The following CNTNAP5 variants were observed in gnomAD, a reference collection of about 807,000 sequenced individuals.
The protein encoded by CNTNAP5 is contactin-associated protein-like 5.
A neutral mutation model predicts 150.2 loss-of-function variants in CNTNAP5; 72 were observed. That is an observed-to-expected ratio of 0.48 (90% confidence interval 0.40 to 0.58). The LOEUF (loss-of-function observed/expected upper bound fraction) is 0.58. Among genes scored for constraint, CNTNAP5 ranks in the 20% least tolerant of loss-of-function variants. The probability of loss-of-function intolerance (pLI) is 0.00; values close to 1 mark genes in which losing one functional copy is unlikely to be tolerated. For missense variants in CNTNAP5, 1,636 were observed against 1,626.2 expected, an observed-to-expected ratio of 1.01 and a Z score of -0.10; for synonymous variants, 672 against 619.8, an observed-to-expected ratio of 1.08 and a Z score of -1.25.
chr2:124,781,453 T>A (rs1681449338), intron 17 of CNTNAP5, among the ~76,000 whole-genome samples: 1 of 152,180 alleles, frequency 6.6e-6, no homozygotes, highest in Non-Finnish European at 1.5e-5. Flanking sequence ...AATTTGCAGT[T>A]AGTACAATGT....
intron 13 of CNTNAP5, among the ~76,000 whole-genome samples, chr2:124,657,088 A>AGGTCCCT (rs1315202673): frequency 4.6e-5 from 7 of 152,174 alleles, no homozygotes; most frequent in African/African-American, 1.7e-4. Context: ...GGAGAACATT[A>AGGTCCCT]GGTCCCTTAG....
chr2:124,460,161 A>C, intron 6 of CNTNAP5, among the ~76,000 whole-genome samples: 1 of 152,252 alleles, frequency 6.6e-6, no homozygotes, highest in East Asian at 1.9e-4. Flanking sequence ...AAAAAACAGA[A>C]GAGAACATAT....
At chr2:124,429,893 C>T (rs979543312) in intron 4 of CNTNAP5, among the ~76,000 whole-genome samples, 2 of 152,148 alleles carry the variant, frequency 1.3e-5, no homozygotes, top group African/African-American at 4.8e-5. Flanking sequence ...ATAGGCACCT[C>T]AATGGATCAC....
chr2:124,911,928 C>A (rs1678664634), intron 23 of CNTNAP5, among the ~76,000 whole-genome samples: 2 of 152,102 alleles, frequency 1.3e-5, no homozygotes, highest in South Asian at 4.1e-4. Context: ...GGTGAAGCCG[C>A]AGTCCTGTGG....
At chr2:124,179,063 A>G (rs1292808213) in intron 1 of CNTNAP5, among the ~76,000 whole-genome samples, 1 of 151,024 alleles carries the variant, frequency 6.6e-6, no homozygotes, top group African/African-American at 2.4e-5. Flanking sequence ...TGTTTCACCC[A>G]CTCACTCCCA....
intron 11 of CNTNAP5, among the ~76,000 whole-genome samples, chr2:124,606,755 T>A (rs1677228216): frequency 1.3e-5 from 2 of 152,228 alleles, no homozygotes; most frequent in South Asian, 2.1e-4. Context: ...CTCTCCCTTT[T>A]AAAAATGATC....
intron 12 of CNTNAP5, among the ~76,000 whole-genome samples, chr2:124,632,047 A>C (rs575112464): frequency 1.3e-5 from 2 of 152,290 alleles, no homozygotes; most frequent in East Asian, 3.9e-4. Context: ...GGCATTATTA[A>C]AAAGTCAGAT....
chr2:124,400,961 T>C (rs2104758382), intron 3 of CNTNAP5, among the ~76,000 whole-genome samples: 1 of 152,096 alleles, frequency 6.6e-6, no homozygotes, highest in Non-Finnish European at 1.5e-5. Context: ...AACCTCCGCC[T>C]CCCGGGTTCA....
At chr2:124,316,898 A>C (rs575492316) in intron 3 of CNTNAP5, among the ~76,000 whole-genome samples, 41 of 152,186 alleles carry the variant, frequency 2.7e-4, no homozygotes, top group Middle Eastern at 3.4e-3. Context: ...GCCAAGGTCT[A>C]CACTAAAAAC....
chr2:124,723,580 C>CA (rs1680093226), intron 13 of CNTNAP5, among the ~76,000 whole-genome samples: 5 of 152,168 alleles, frequency 3.3e-5, no homozygotes, highest in Admixed American at 2.6e-4. Context: ...ACTGCCTTAA[C>CA]AAAATACCAT....
At chr2:124,639,242 C>T (rs770063465) in intron 12 of CNTNAP5, among the ~76,000 whole-genome samples, 3 of 152,260 alleles carry the variant, frequency 2.0e-5, no homozygotes, top group Admixed American at 6.5e-5. Flanking sequence ...GCGACGAGCA[C>T]GGGATGTTGG....
intron 1 of CNTNAP5, among the ~76,000 whole-genome samples, chr2:124,055,154 C>T (rs934225775): frequency 6.6e-6 from 1 of 152,190 alleles, no homozygotes; most frequent in Non-Finnish European, 1.5e-5. Flanking sequence ...TTTTTCCTGA[C>T]ATCATGAGAT....
rs531973398 is a variant in CNTNAP5, at chr2:124,800,949, A to G, written c.3217+2629A>G. On this transcript the variant is annotated intron_variant, in intron 19 of 23. Transcript: ENST00000682447. The stretch of plus-strand genomic sequence containing the variant: ...TACAGCTTGGTTTTATATATTTTAT[A>G]TATTTTAGTTAGCTCAGGCTAACTC... Among the ~76,000 whole-genome samples the G allele has an allele frequency of 2.6e-5, 4 of 152,204 alleles. No homozygotes were observed. The South Asian group carries it at 8.3e-4, about 32-fold the overall frequency.
At chr2:124,114,522 T>G (rs1225472463) in intron 1 of CNTNAP5, among the ~76,000 whole-genome samples, 1 of 152,098 alleles carries the variant, frequency 6.6e-6, no homozygotes, top group East Asian at 1.9e-4. Context: ...TATTTATGAA[T>G]TTTATCACAT....
intron 3 of CNTNAP5, among the ~76,000 whole-genome samples, chr2:124,317,022 G>A (rs1688983974): frequency 6.6e-6 from 1 of 151,978 alleles, no homozygotes; most frequent in Admixed American, 6.6e-5. Context: ...GTTTTAGAAA[G>A]GTTATGTTGA....
intron 6 of CNTNAP5, among the ~76,000 whole-genome samples, chr2:124,468,436 C>T (rs1016078199): frequency 6.6e-6 from 1 of 152,236 alleles, no homozygotes; most frequent in East Asian, 1.9e-4. Context: ...AAGAATCCAA[C>T]ACAGCAGAAA....
Position 124,257,679 on chromosome 2 carries a change from C to T in CNTNAP5, c.381+15286C>T, listed in dbSNP as rs142599630. ...CTTTCTCCTTTCTGGGTCATCTCTTCGGACTTGGAACAATTCTTCTCTAGA... is the reference window on the plus strand; with the variant it reads ...CTTTCTCCTTTCTGGGTCATCTCTTTGGACTTGGAACAATTCTTCTCTAGA... On this transcript the variant is annotated intron_variant, in intron 3 of 23. Transcript: ENST00000682447. 2.7e-3 allele frequency among the ~76,000 whole-genome samples: 416 copies of T among 152,232 alleles called. 5 individuals carry two copies. The highest frequency in any genetic ancestry group is 8.7e-3 in the African/African-American group (362 of 41,552).
chr2:124,301,218 T>C (rs139697280), intron 3 of CNTNAP5, among the ~76,000 whole-genome samples: 1 of 152,346 alleles, frequency 6.6e-6, no homozygotes, highest in Non-Finnish European at 1.5e-5. Context: ...CTTTATTTTC[T>C]TTGCAAAAGT....
intron 3 of CNTNAP5, among the ~76,000 whole-genome samples, chr2:124,260,731 A>G (rs1224892749): frequency 6.6e-6 from 1 of 152,224 alleles, no homozygotes; most frequent in Non-Finnish European, 1.5e-5. Context: ...TGAGAGAGGT[A>G]CATTTTTTAG....
Sources: allele counts gnomAD v4.1 joint callset (sites outside exome capture counted in the v4.1 genomes callset), GRCh38; gene constraint gnomAD v4.1.1; transcripts MANE v1.5; gene names NCBI Gene and HGNC (gene_info 2026-07-23, HGNC 2026-07-21).